GALNT9: variants seen among roughly 807,000 people sequenced by gnomAD.
The protein encoded by GALNT9 is polypeptide N-acetylgalactosaminyltransferase 9.
GALNT9 carries 47 observed loss-of-function variants against 63.1 expected under a neutral mutation model. The observed-to-expected ratio is 0.75, with a 90% confidence interval of 0.59 to 0.95. The LOEUF (loss-of-function observed/expected upper bound fraction) is 0.95. Among genes scored for constraint, GALNT9 ranks in the 40% least tolerant of loss-of-function variants. GALNT9 has a pLI of 0.00. For synonymous variants in GALNT9, 396 were observed against 365.7 expected (o/e 1.08, Z -0.94); for missense variants, 829 against 874.8 (o/e 0.95, Z 0.66).
At chr12:132,290,179 G>C (rs73473521) in intron 1 of GALNT9, among the ~76,000 whole-genome samples, 6,375 of 152,212 alleles carry the variant, frequency 0.042, 438 homozygotes, top group African/African-American at 0.15. Flanking sequence ...TGTGGAAAGA[G>C]GGCCCAAGCG....
At chr12:132,231,154 G>GT (rs1747674725) in intron 6 of GALNT9, among the ~76,000 whole-genome samples, 2 of 75,602 alleles carry the variant, frequency 2.6e-5, no homozygotes, top group Non-Finnish European at 2.4e-5. Flanking sequence ...ACAGCGTGGA[G>GT]CCCCTAGTGC....
intron 6 of GALNT9, among the ~76,000 whole-genome samples, chr12:132,218,074 A>C (rs1002929178): frequency 2.0e-5 from 3 of 150,702 alleles, no homozygotes; most frequent in Admixed American, 6.6e-5. Context: ...CCATCCATCC[A>C]CCATTTATCC....
At position 132,216,139 on chromosome 12, in the gene GALNT9, C is replaced by G. The variant is rs572596212; in HGVS notation, c.1078-12449G>C. ...ACACAGAAACAGAGACAGAAAGATACAGAGACACAGAGATGGAGAGACAGA... is the reference window on the plus strand; with the variant it reads ...ACACAGAAACAGAGACAGAAAGATAGAGAGACACAGAGATGGAGAGACAGA... On this transcript the variant is annotated intron_variant, in intron 6 of 10. Transcript: ENST00000328957. Among the ~76,000 whole-genome samples the G allele has an allele frequency of 3.3e-5, 5 of 150,548 alleles. No individual in the cohort carries two copies. The South Asian group carries it at 8.7e-4, about 26-fold the overall frequency.
intron 6 of GALNT9, among the ~76,000 whole-genome samples, chr12:132,230,860 C>T (rs1054544082): frequency 6.6e-6 from 1 of 152,328 alleles, no homozygotes; most frequent in Admixed American, 6.5e-5. Context: ...CAGACCACAC[C>T]GCAGGCCACT....
chr12:132,201,934 G>A (rs541318620), intron 7 of GALNT9, among the ~76,000 whole-genome samples: 6 of 151,976 alleles, frequency 3.9e-5, no homozygotes, highest in South Asian at 4.2e-4. Flanking sequence ...ACTCTCTGAC[G>A]GACAGCCAGC....
At chr12:132,208,447 T>A (rs574555840) in intron 6 of GALNT9, among the ~76,000 whole-genome samples, 1 of 152,256 alleles carries the variant, frequency 6.6e-6, no homozygotes, top group Non-Finnish European at 1.5e-5. Flanking sequence ...GCTATCACCC[T>A]AGGCCTTCGT....
At chr12:132,216,585 A>G (rs912043815) in intron 6 of GALNT9, among the ~76,000 whole-genome samples, 2 of 152,182 alleles carry the variant, frequency 1.3e-5, no homozygotes, top group Non-Finnish European at 2.9e-5. Context: ...AGTGTCCCCC[A>G]TGTCCAGCTC....
chr12:132,291,959 C>G (rs986435193), intron 1 of GALNT9, among the ~76,000 whole-genome samples: 1 of 152,212 alleles, frequency 6.6e-6, no homozygotes, highest in African/African-American at 2.4e-5. Context: ...CCCTGCAGCC[C>G]TCGTGGGTCG....
intron 2 of GALNT9, among the ~76,000 whole-genome samples, chr12:132,267,801 G>GACA (rs1879678936): frequency 1.1e-4 from 4 of 36,378 alleles, no homozygotes; most frequent in African/African-American, 6.0e-4. Context: ...GCACTCACAC[G>GACA]CACTCACACA....
intron 3 of GALNT9, 138 bp from the exon 4 acceptor site, chr12:132,261,260 T>A: frequency 2.2e-6 from 3 of 1,358,444 alleles, no homozygotes; most frequent in Non-Finnish European, 2.9e-6. Context: ...CTGAACCACA[T>A]GTGGTTCAGC....
At chr12:132,249,442 G>A (rs1351899189) in intron 5 of GALNT9, among the ~76,000 whole-genome samples, 1 of 152,224 alleles carries the variant, frequency 6.6e-6, no homozygotes, top group South Asian at 2.1e-4. Flanking sequence ...AATAGCAGGA[G>A]CATTAAAAAG....
rs368597806 is a variant in GALNT9 at position 132,250,313 on chromosome 12, G to C, written c.960-2286C>G. Among the ~76,000 whole-genome samples the C allele has an allele frequency of 7.9e-4, 120 of 152,342 alleles. 2 individuals are homozygous for C. In the East Asian group the frequency reaches 0.021, roughly 27 times the overall value. On this transcript the variant is annotated intron_variant, in intron 5 of 10. Coordinates refer to ENST00000328957, the MANE Select transcript of GALNT9 (RefSeq NM_001122636.2). ...GGGGAACGGGGAGTGGCGGCTCGTGGGTGTGGGGTCCCCACGGGGAGGGAG... is the reference window on the plus strand; with the variant it reads ...GGGGAACGGGGAGTGGCGGCTCGTGCGTGTGGGGTCCCCACGGGGAGGGAG...
At chr12:132,275,733 G>C (rs564164911) in intron 2 of GALNT9, 2 of 152,432 alleles carry the variant, frequency 1.3e-5, no homozygotes, top group Non-Finnish European at 2.9e-5. Context: ...GGAAGTGATC[G>C]TCTGCGATCG....
intron 6 of GALNT9, among the ~76,000 whole-genome samples, chr12:132,229,524 G>A (rs1377285222): frequency 3.9e-5 from 6 of 152,218 alleles, no homozygotes; most frequent in Non-Finnish European, 7.3e-5. Flanking sequence ...CACACCCCGC[G>A]GCAGGCCCCA....
At chr12:132,233,385 A>G (rs1399650323) in intron 6 of GALNT9, among the ~76,000 whole-genome samples, 3 of 33,222 alleles carry the variant, frequency 9.0e-5, no homozygotes, top group Non-Finnish European at 1.6e-4. Context: ...CGATGGGGCG[A>G]CAGAGGAGAC....
intron 6 of GALNT9, 97 bp downstream of exon 6, chr12:132,247,813 C>G: frequency 1.3e-6 from 2 of 1,516,258 alleles, no homozygotes; most frequent in Non-Finnish European, 1.8e-6. Flanking sequence ...CTCACCCCGT[C>G]CCCGGACACC....
At chr12:132,229,686 T>A (rs1877823533) in intron 6 of GALNT9, among the ~76,000 whole-genome samples, 1 of 152,218 alleles carries the variant, frequency 6.6e-6, no homozygotes, top group African/African-American at 2.4e-5. Flanking sequence ...CAAGCTTAGC[T>A]GGGAAGCCAC....
In GALNT9 at chr12:132,245,934, G is replaced by T. The variant is rs982980400; in HGVS notation, c.1077+1976C>A. 6.6e-6 allele frequency among the ~76,000 whole-genome samples: 1 copy of T among 152,158 alleles called. No homozygotes were observed. Among genetic ancestry groups the T allele is most frequent in the Admixed American group, 6.5e-5 (1 of 15,282 alleles). ...CACCCCAGGGGTCCCGTCCTCCCTC[G>T]CTCTTCGGCCTCGGTGGTGGCTGCG... is the stretch of plus-strand genomic sequence containing the variant. On this transcript the variant is annotated intron_variant, in intron 6 of 10. Coordinates refer to ENST00000328957, the MANE Select transcript of GALNT9 (RefSeq NM_001122636.2). This position sits in a 1 kb window ranked among gnomAD's most constrained non-coding sequence, Gnocchi z 6.3.
chr12:132,259,291 C>T (rs1255606953), intron 4 of GALNT9, among the ~76,000 whole-genome samples: 2 of 152,190 alleles, frequency 1.3e-5, no homozygotes, highest in Non-Finnish European at 2.9e-5. Flanking sequence ...AAGGCTCCCC[C>T]AGACGCCCTC....
Sources: allele counts gnomAD v4.1 joint callset (sites outside exome capture counted in the v4.1 genomes callset), GRCh38; gene constraint gnomAD v4.1.1; non-coding constraint Gnocchi (gnomAD v3.1); transcripts MANE v1.5; gene names NCBI Gene and HGNC (gene_info 2026-07-23, HGNC 2026-07-21).